Variants in ZNF331 observed in about 807,000 individuals in gnomAD.
ZNF331 encodes C2H2-like zinc finger protein rearranged in thyroid adenomas.
A neutral mutation model predicts 7.0 loss-of-function variants in ZNF331; 2 were observed. That is an observed-to-expected ratio of 0.29 (90% CI 0.12 to 0.90). ZNF331 has a LOEUF of 0.90. ZNF331 is among the 40% of genes least tolerant of loss of function. The pLI is 0.58. For missense variants in ZNF331, 432 were observed against 587.7 expected (o/e 0.74, Z 2.74); for synonymous variants, 196 against 205.4 (o/e 0.95, Z 0.39).
chr19:53,565,901 A>C (rs1257984586), intron 3 of ZNF331, among the ~76,000 whole-genome samples: 1 of 152,142 alleles, frequency 6.6e-6, no homozygotes, highest in Non-Finnish European at 1.5e-5. Context: ...CTACATTTCA[A>C]ATCAGTACAC....
At chr19:53,544,345 A>G (rs992656655) in intron 2 of ZNF331, among the ~76,000 whole-genome samples, 3 of 151,302 alleles carry the variant, frequency 2.0e-5, no homozygotes, top group East Asian at 2.0e-4. Context: ...GGAGATGGAG[A>G]CCATCCTGGC....
the ZNF331 span, among the ~76,000 whole-genome samples, chr19:53,506,665 A>T: frequency 1.3e-5 from 2 of 152,118 alleles, no homozygotes; most frequent in Non-Finnish European, 2.9e-5. Flanking sequence ...AAACAAACTC[A>T]ACAGACAGGG....
At chr19:53,508,974 G>GCA in the ZNF331 span, among the ~76,000 whole-genome samples, 1 of 152,096 alleles carries the variant, frequency 6.6e-6, no homozygotes, top group Non-Finnish European at 1.5e-5. Context: ...GGTCCTAGGA[G>GCA]CACTGAAGAA....
At chr19:53,563,741 C>A (rs1390991393) in intron 3 of ZNF331, 2 of 151,970 alleles carry the variant, frequency 1.3e-5, no homozygotes. Context: ...TGCAGTCATA[C>A]CTTGTGGTAT....
At chr19:53,566,820 A>AT (rs36067315) in intron 3 of ZNF331, among the ~76,000 whole-genome samples, 79,576 of 151,486 alleles carry the variant, frequency 0.53, 21,739 homozygotes, top group Middle Eastern at 0.62. Flanking sequence ...AACTTCCCGG[A>AT]TTTTTTCTTT....
intron 3 of ZNF331, among the ~76,000 whole-genome samples, chr19:53,561,548 T>A (rs1233229710): frequency 1.3e-5 from 2 of 152,310 alleles, no homozygotes; most frequent in East Asian, 1.9e-4. Flanking sequence ...CTCCAGAGAC[T>A]CTTTAAATCT....
At position 53,577,778 on chromosome 19, in the gene ZNF331, C is replaced by T. The variant is rs764501728; in HGVS notation, c.1218C>T (p.Thr406=). The change falls in exon 6 of 6, where the codon ACC becomes ACT. Residue 406 remains threonine, a synonymous_variant. Coordinates refer to ENST00000449416, the MANE Select transcript of ZNF331 (RefSeq NM_001079906.2). ...TCGTGAAACATGAGAGAATTCATAC[C>T]GGGGTGAAACCCTATGGGTGTACAG... ...SSLVKHERIH[T]GVKPYGCTEC... 27 of 1,613,582 alleles carry T rather than the reference C, an allele frequency of 1.7e-5. No homozygotes were observed. The highest frequency in any genetic ancestry group is 1.6e-4 in the South Asian group (15 of 91,064).
Position 53,577,976 on chromosome 19 carries a change from C to A in ZNF331, c.*24C>A. 6.3e-7 allele frequency: 1 copy of A among 1,584,194 alleles called. No individual in the cohort carries two copies. The highest frequency in any genetic ancestry group is 1.1e-5 in the South Asian group (1 of 88,356). On this transcript the variant is annotated 3_prime_UTR_variant, in exon 6 of 6. Transcript: ENST00000449416. ...GAAGAGCCTTTTGAACGCAGTAGCC[C>A]GCTCGTATCTATGGTTTCGCTTTCC... is the stretch of plus-strand genomic sequence containing the variant.
intron 5 of ZNF331, among the ~76,000 whole-genome samples, chr19:53,572,583 ACATATATAT>A (rs2147671720): frequency 1.4e-5 from 1 of 73,732 alleles, no homozygotes; most frequent in Non-Finnish European, 2.9e-5. Context: ...TTATATATAC[ACATATATAT>A]TATATATACA....
the ZNF331 span, among the ~76,000 whole-genome samples, chr19:53,505,878 G>T: frequency 6.6e-6 from 1 of 151,036 alleles, no homozygotes; most frequent in Non-Finnish European, 1.5e-5. Flanking sequence ...CCAGCTACTC[G>T]GGTGGCTGGG....
the ZNF331 span, among the ~76,000 whole-genome samples, chr19:53,506,162 T>C: frequency 3.1e-4 from 47 of 149,642 alleles, no homozygotes; most frequent in Middle Eastern, 6.4e-3. Flanking sequence ...GGGGAAACCC[T>C]GTCTCTACTA....
chr19:53,550,276 G>T (rs1260233998), intron 2 of ZNF331, among the ~76,000 whole-genome samples: 1 of 152,138 alleles, frequency 6.6e-6, no homozygotes, highest in East Asian at 1.9e-4. Flanking sequence ...CAGGTCCAAT[G>T]TTTACTTGTT....
chr19:53,523,896 T>C (rs2087188544), intron 2 of ZNF331, among the ~76,000 whole-genome samples: 1 of 147,274 alleles, frequency 6.8e-6, no homozygotes, highest in African/African-American at 2.5e-5. Flanking sequence ...GTATTTCTCC[T>C]AATGCTATCC....
chr19:53,564,058 GCA>G (rs1398967904), intron 3 of ZNF331, among the ~76,000 whole-genome samples: 1 of 122,654 alleles, frequency 8.2e-6, no homozygotes, highest in African/African-American at 3.0e-5. Context: ...AAAAAAAAGA[GCA>G]CAGAGCCTGC....
At chr19:53,531,206 C>G (rs771211568) in intron 2 of ZNF331, among the ~76,000 whole-genome samples, 1 of 152,112 alleles carries the variant, frequency 6.6e-6, no homozygotes, top group Admixed American at 6.6e-5. Flanking sequence ...AAGTGAGTTA[C>G]GTTTTATTCA....
rs1202939994 is a variant in ZNF331 at position 53,560,147 on chromosome 19, A to G, written c.-74+4239A>G. Reference sequence around the variant, plus strand: ...ATACACACACCATATATATACACACATATATACACATCCACACCATATATA... The same window carrying G: ...ATACACACACCATATATATACACACGTATATACACATCCACACCATATATA... On this transcript the variant is annotated intron_variant, in intron 3 of 5. Coordinates refer to ENST00000449416, the MANE Select transcript of ZNF331 (RefSeq NM_001079906.2). This position sits in a 1 kb window ranked among gnomAD's most constrained non-coding sequence, Gnocchi z 4.3. Among the ~76,000 whole-genome samples the G allele has an allele frequency of 2.5e-5, 3 of 121,102 alleles. No homozygotes were observed. The highest frequency in any genetic ancestry group is 4.3e-4 in the South Asian group (2 of 4,622). 79.4% of individuals were successfully genotyped at this position (121,102 alleles called of 152,430 possible).
At position 53,577,480 on chromosome 19, in the gene ZNF331, C is replaced by A; in HGVS notation, c.920C>A (p.Ala307Asp). Reference sequence around the variant, plus strand: ...TATGAATGTCAAGAATGTGGGAAGGCCTTTACTCGAGTCAATTACCTTACT... The same window carrying A: ...TATGAATGTCAAGAATGTGGGAAGGACTTTACTCGAGTCAATTACCTTACT... ...KPYECQECGK[A>D]FTRVNYLTQH... is the part of the protein sequence containing the mutation. The change falls in exon 6 of 6, where the codon GCC (alanine) becomes GAC (aspartate). Residue 307 changes from alanine to aspartate, a missense_variant. Transcript: ENST00000449416. 1 of 1,614,080 alleles carries A rather than the reference C, an allele frequency of 6.2e-7. No individual in the cohort carries two copies. Among genetic ancestry groups the A allele is most frequent in the Non-Finnish European group, 8.5e-7 (1 of 1,180,004 alleles).
At chr19:53,566,824 TTTC>T (rs1397885679) in intron 3 of ZNF331, among the ~76,000 whole-genome samples, 10 of 151,512 alleles carry the variant, frequency 6.6e-5, no homozygotes, top group African/African-American at 2.4e-4. Context: ...TCCCGGATTT[TTTC>T]TTTCTGTTTC....
rs1220101295 is a variant in ZNF331 at position 53,539,910 on chromosome 19, A to G, written c.-138+628A>G. On this transcript the variant is annotated intron_variant, in intron 2 of 5. Transcript: ENST00000449416. This position sits in a 1 kb window ranked among gnomAD's most constrained non-coding sequence, Gnocchi z 6.1. ...ATGGAATACTCTGCAGCTACAAAGA[A>G]GTAAGTTTAGTTATAACCGTAAGAA... 6.6e-6 allele frequency among the ~76,000 whole-genome samples: 1 copy of G among 152,220 alleles called. No individual in the cohort carries two copies. The highest frequency in any genetic ancestry group is 1.5e-5 in the Non-Finnish European group (1 of 68,044).
Sources: allele counts gnomAD v4.1 joint callset (sites outside exome capture counted in the v4.1 genomes callset), GRCh38; gene constraint gnomAD v4.1.1; non-coding constraint Gnocchi (gnomAD v3.1); transcripts MANE v1.5; gene names NCBI Gene and HGNC (gene_info 2026-07-23, HGNC 2026-07-21).